Variants in FKBP14 observed in about 807,000 individuals in gnomAD.
The protein encoded by FKBP14 is FKBP prolyl isomerase 14, also known as peptidyl-prolyl cis-trans isomerase FKBP14.
A neutral mutation model predicts 21.6 loss-of-function variants in FKBP14; 20 were observed. The observed-to-expected ratio is 0.92, with a 90% CI of 0.65 to 1.34. The LOEUF (loss-of-function observed/expected upper bound fraction) is 1.34, where lower values mean the gene tolerates loss of function less well. Ranked by LOEUF, FKBP14 falls within the 40% of genes most tolerant of loss-of-function variation. The pLI is 0.00. For missense variants in FKBP14, 253 were observed against 249.0 expected, an observed-to-expected ratio of 1.02 and a Z score of -0.11; for synonymous variants, 79 against 86.7, an observed-to-expected ratio of 0.91 and a Z score of 0.49.
At chr7:30,008,667 G>T (rs750427931), downstream of FKBP14, among the ~76,000 whole-genome samples, 1 of 128,860 alleles carries the variant, frequency 7.8e-6, no homozygotes, top group Non-Finnish European at 1.6e-5. Context: ...GTTGCAGTGA[G>T]CTGAGATTTA....
At chr7:30,008,947 C>CAAAAAAAAAA (rs1015375422), downstream of FKBP14, among the ~76,000 whole-genome samples, 2 of 114,644 alleles carry the variant, frequency 1.7e-5, no homozygotes, top group African/African-American at 6.6e-5. Flanking sequence ...AATCCGTCTC[C>CAAAAAAAAAA]AAAAAAAAAA....
At chr7:30,017,912 C>T (rs1789933493) in intron 3 of FKBP14, among the ~76,000 whole-genome samples, 1 of 152,008 alleles carries the variant, frequency 6.6e-6, no homozygotes, top group African/African-American at 2.4e-5. Flanking sequence ...GGCAGAATTG[C>T]TTGAACCCAG....
intron 2 of FKBP14, among the ~76,000 whole-genome samples, 186 bp from the exon 3 acceptor site, chr7:30,019,309 A>C (rs542607489): frequency 6.6e-6 from 1 of 152,260 alleles, no homozygotes; most frequent in Non-Finnish European, 1.5e-5. Flanking sequence ...AAGAAATAAT[A>C]TACACTAGCA....
chr7:30,024,356 T>C (rs894225030), intron 1 of FKBP14, among the ~76,000 whole-genome samples: 2 of 152,232 alleles, frequency 1.3e-5, no homozygotes, highest in Non-Finnish European at 1.5e-5. Context: ...TCCCATAGGC[T>C]ATGGTTCTAG....
At chr7:30,009,063 C>T (rs968462800), downstream of FKBP14, among the ~76,000 whole-genome samples, 1 of 151,952 alleles carries the variant, frequency 6.6e-6, no homozygotes, top group Non-Finnish European at 1.5e-5. Flanking sequence ...ATTTTGACAT[C>T]TTAGATTTCA....
At position 30,026,603 on chromosome 7, in the gene FKBP14, G is replaced by C; in HGVS notation, c.-95C>G. 8.4e-7 allele frequency: 1 copy of C among 1,192,930 alleles called. No homozygotes were observed. Among genetic ancestry groups the C allele is most frequent in the Non-Finnish European group, 1.2e-6 (1 of 862,176 alleles). 73.9% of individuals were successfully genotyped at this position (1,192,930 alleles called of 1,614,324 possible). On this transcript the variant is annotated 5_prime_UTR_variant, in exon 1 of 4. Coordinates refer to ENST00000222803, the MANE Select transcript of FKBP14 (RefSeq NM_017946.4). ...CGTAGTTCAAGGCTTACGGACAAGG[G>C]CTTCAGACAAGTTCAGGACTCCCCC...
Position 30,022,670 on chromosome 7 carries a change from C to T in FKBP14, c.344G>A (p.Gly115Glu). The change falls in exon 2 of 4, where the codon GGA (glycine) becomes GAA (glutamate). Residue 115 changes from glycine to glutamate, a missense_variant. Transcript: ENST00000222803. ...IPPALGYGKE[G>E]KGKIPPESTL... is the part of the protein sequence containing the mutation. ...AAATACAGAAATACTATTACCTTTT[C>T]CTTCTTTTCCATAGCCCAGAGCAGG... The T allele has an allele frequency of 6.2e-7, 1 of 1,611,000 alleles. No individual in the cohort carries two copies. Among genetic ancestry groups the T allele is most frequent in the Non-Finnish European group, 8.5e-7 (1 of 1,179,134 alleles).
At chr7:30,014,924 G>A in intron 3 of FKBP14, 31 bp from the exon 4 acceptor site, 3 of 1,475,820 alleles carry the variant, frequency 2.0e-6, no homozygotes, top group East Asian at 2.4e-5. Flanking sequence ...TTAATAACTT[G>A]GATTCATAAG....
Position 30,014,705 on chromosome 7 carries a change from G to T in FKBP14, c.*30C>A, listed in dbSNP as rs1370636691. On this transcript the variant is annotated 3_prime_UTR_variant, in exon 4 of 4. Coordinates refer to ENST00000222803, the MANE Select transcript of FKBP14 (RefSeq NM_017946.4). ...AGATGACTGCCCTCTCTTGAAAGAT[G>T]AGTGCTATATTAAAAGGGTAGATGT... 1.5e-6 allele frequency: 2 copies of T among 1,357,098 alleles called. No homozygotes were observed. The highest frequency in any genetic ancestry group is 1.9e-6 in the Non-Finnish European group (2 of 1,033,072). The allele number at this position is 1,357,098 out of a possible 1,614,324, so 84.1% of individuals were successfully genotyped here.
chr7:30,021,948 G>A (rs941622698), intron 2 of FKBP14, among the ~76,000 whole-genome samples: 1 of 152,132 alleles, frequency 6.6e-6, no homozygotes, highest in African/African-American at 2.4e-5. Flanking sequence ...TGAAAAACTA[G>A]TACAAAAGCT....
At chr7:30,009,765 G>A (rs560281459), downstream of FKBP14, among the ~76,000 whole-genome samples, 3 of 151,010 alleles carry the variant, frequency 2.0e-5, no homozygotes, top group Non-Finnish European at 2.9e-5. Flanking sequence ...TGAGGCAGGC[G>A]GATTACCTGA....
Position 30,012,174 on chromosome 7 carries a change from GA to G in FKBP14, c.*2560del, listed in dbSNP as rs1365721152. ...ACATGTGAAGTCACAGTTCATGTCT[GA>G]TTATTCCCACTAATAGAAGAGTACA... On this transcript the variant is annotated 3_prime_UTR_variant, in exon 4 of 4. Coordinates refer to ENST00000222803, the MANE Select transcript of FKBP14 (RefSeq NM_017946.4). 1 of 152,188 alleles carries G rather than the reference GA, an allele frequency of 6.6e-6. No homozygotes were observed. The highest frequency in any genetic ancestry group is 2.4e-5 in the African/African-American group (1 of 41,440). The allele number at this position is 152,188 out of a possible 1,614,324, so 9.4% of individuals were successfully genotyped here.
chr7:30,019,212 T>A (rs2127948348), intron 2 of FKBP14, 89 bp from the exon 3 acceptor site: 1 of 1,313,826 alleles, frequency 7.6e-7, no homozygotes, highest in Non-Finnish European at 1.0e-6. Flanking sequence ...GTATTTTTTT[T>A]AACTGAATTA....
rs1372971907 is a variant in FKBP14 at position 30,022,807 on chromosome 7, A to G, written c.207T>C (p.His69=). Residue 69 remains histidine, a synonymous_variant, in exon 2 of 4, where the codon CAT becomes CAC. Transcript: ENST00000222803. ...TAAACCAAATGGGCTGACCATTGTT[A>G]TGTTTGTGACTATGATAGAAATAAA... The part of the protein sequence containing the change: ...DGSLFHSTHK[H]NNGQPIWFTL... The G allele has an allele frequency of 6.2e-6, 10 of 1,612,958 alleles. No individual in the cohort carries two copies. In the East Asian group the frequency reaches 2.2e-4, roughly 36 times the overall value.
chr7:30,021,438 T>G (rs1289751273), intron 2 of FKBP14, among the ~76,000 whole-genome samples: 1 of 152,196 alleles, frequency 6.6e-6, no homozygotes, highest in Non-Finnish European at 1.5e-5. Flanking sequence ...CAGTTCCAAT[T>G]TTTTGCTTAG....
chr7:30,015,392 T>G lies in FKBP14; in HGVS notation c.478-499A>C, dbSNP rs188133077. On this transcript the variant is annotated intron_variant, in intron 3 of 3. Coordinates refer to ENST00000222803, the MANE Select transcript of FKBP14 (RefSeq NM_017946.4). ...GAGATTGCGCTGCTGCCCTCCAGCC[T>G]GGGCAACAGAGTGAGACTCTGTCAA... 1.3e-4 allele frequency among the ~76,000 whole-genome samples: 20 copies of G among 151,688 alleles called. No homozygotes were observed. The East Asian group carries it at 3.7e-3, about 28-fold the overall frequency.
At chr7:30,022,625 C>T (rs1386631920) in intron 2 of FKBP14, 40 bp downstream of exon 2, 1 of 1,581,606 alleles carries the variant, frequency 6.3e-7, no homozygotes, top group East Asian at 2.3e-5. Flanking sequence ...CAGAGAACAA[C>T]TCTAGTGCTA....
chr7:30,006,294 T>A (rs1278603683), downstream of FKBP14, among the ~76,000 whole-genome samples: 1 of 151,902 alleles, frequency 6.6e-6, no homozygotes, highest in African/African-American at 2.4e-5. Context: ...ACTAGTTTTT[T>A]AAATAATTTT....
At chr7:30,017,557 G>A (rs1285309521) in intron 3 of FKBP14, among the ~76,000 whole-genome samples, 1 of 149,828 alleles carries the variant, frequency 6.7e-6, no homozygotes, top group Non-Finnish European at 1.5e-5. Flanking sequence ...AACAGAGTGA[G>A]ATTCCGTCTA....
Sources: gnomAD v4.1 joint callset for allele counts (sites outside exome capture counted in the v4.1 genomes callset) on GRCh38, gnomAD v4.1.1 for gene constraint, MANE v1.5 for transcripts, NCBI Gene and HGNC (gene_info 2026-07-23, HGNC 2026-07-21) for gene names.